Variants in CDKAL1 observed in about 807,000 individuals in gnomAD.
CDKAL1 encodes the protein threonylcarbamoyladenosine tRNA methylthiotransferase.
In CDKAL1, 32 loss-of-function variants were observed where a neutral mutation model predicts 68.2. That is an observed-to-expected ratio of 0.47 (90% CI 0.35 to 0.63). CDKAL1 has a LOEUF of 0.63. Among genes scored for constraint, CDKAL1 ranks in the 30% least tolerant of loss-of-function variants. The pLI is 0.00. For missense variants in CDKAL1, 606 were observed against 696.7 expected, an observed-to-expected ratio of 0.87 and a Z score of 1.47; for synonymous variants, 234 against 244.3, an observed-to-expected ratio of 0.96 and a Z score of 0.39.
In CDKAL1 at chr6:20,558,463, C is replaced by G. The variant is rs1344560511; in HGVS notation, c.286+9758C>G. 3 of 453,236 alleles carry G rather than the reference C, an allele frequency of 6.6e-6. No homozygotes were observed. In the East Asian group the frequency reaches 2.1e-4, roughly 32 times the overall value. 28.1% of individuals were successfully genotyped at this position (453,236 alleles called of 1,614,324 possible). A position where few individuals can be genotyped will look rare whatever the true frequency, so the allele number is the denominator to read the frequency against. ...ATTTCTGGGCACATGGCAGTGCGGTCTGTATGATAAACAACTGGGGTTGAA... is the reference window on the plus strand; with the variant it reads ...ATTTCTGGGCACATGGCAGTGCGGTGTGTATGATAAACAACTGGGGTTGAA... On this transcript the variant is annotated intron_variant, in intron 4 of 15. Coordinates refer to ENST00000274695, the MANE Select transcript of CDKAL1 (RefSeq NM_017774.3).
chr6:20,747,092 T>G (rs1773695616), intron 6 of CDKAL1, among the ~76,000 whole-genome samples: 1 of 150,200 alleles, frequency 6.7e-6, no homozygotes. Context: ...AAATCATGCA[T>G]TTTTTTTTCC....
chr6:20,883,283 G>A (rs1760911341), intron 9 of CDKAL1, among the ~76,000 whole-genome samples: 1 of 152,196 alleles, frequency 6.6e-6, no homozygotes, highest in Admixed American at 6.5e-5. Flanking sequence ...TCTCTCATAC[G>A]TTGTCTTCCC....
intron 12 of CDKAL1, among the ~76,000 whole-genome samples, chr6:21,090,526 G>A (rs1201754807): frequency 6.6e-6 from 1 of 152,106 alleles, no homozygotes; most frequent in Non-Finnish European, 1.5e-5. Flanking sequence ...AATTCCCTTT[G>A]CTGATAGAGA....
chr6:20,997,614 T>C (rs781260930), intron 10 of CDKAL1, among the ~76,000 whole-genome samples: 3 of 152,210 alleles, frequency 2.0e-5, no homozygotes, highest in Non-Finnish European at 4.4e-5. Context: ...ATTGGCATAC[T>C]GTAGCAGGGC....
At chr6:21,229,637 C>T (rs568655423) in intron 15 of CDKAL1, among the ~76,000 whole-genome samples, 2 of 152,246 alleles carry the variant, frequency 1.3e-5, no homozygotes, top group South Asian at 2.1e-4. Context: ...TGTCCTGCAC[C>T]GCCTCTGGGC....
chr6:20,554,975 T>C (rs1415067991), intron 4 of CDKAL1, among the ~76,000 whole-genome samples: 3 of 152,232 alleles, frequency 2.0e-5, no homozygotes, highest in African/African-American at 7.2e-5. Context: ...GAATAGAGTG[T>C]TTAGCCTGGG....
intron 9 of CDKAL1, among the ~76,000 whole-genome samples, chr6:20,851,266 G>A (rs1002857422): frequency 6.6e-6 from 1 of 152,080 alleles, no homozygotes; most frequent in Non-Finnish European, 1.5e-5. Flanking sequence ...GGTTTGACAC[G>A]GTTGCATTTT....
intron 5 of CDKAL1, among the ~76,000 whole-genome samples, chr6:20,718,791 G>A (rs1180466685): frequency 6.6e-6 from 1 of 151,898 alleles, no homozygotes; most frequent in Non-Finnish European, 1.5e-5. Flanking sequence ...GCAGCTTTTG[G>A]GAGAGTGTTC....
At chr6:21,135,146 T>G (rs1219523087) in intron 13 of CDKAL1, among the ~76,000 whole-genome samples, 1 of 152,166 alleles carries the variant, frequency 6.6e-6, no homozygotes, top group Non-Finnish European at 1.5e-5. Context: ...ACTAGCTGAA[T>G]GATCTTAAAA....
At chr6:20,925,037 G>A (rs2328551) in intron 9 of CDKAL1, among the ~76,000 whole-genome samples, 146,010 of 152,316 alleles carry the variant, frequency 0.96, 69,993 homozygotes, top group East Asian at 1. Flanking sequence ...ATCTTTTGTG[G>A]AAGGAAGAAT....
chr6:20,867,401 CAT>C (rs1285019902), intron 9 of CDKAL1, among the ~76,000 whole-genome samples: 4 of 152,152 alleles, frequency 2.6e-5, no homozygotes, highest in Non-Finnish European at 5.9e-5. Flanking sequence ...CATTTTCTAA[CAT>C]GTAAAAAGTG....
intron 10 of CDKAL1, among the ~76,000 whole-genome samples, chr6:20,996,986 G>A (rs1767153448): frequency 6.6e-6 from 1 of 152,186 alleles, no homozygotes; most frequent in Non-Finnish European, 1.5e-5. Flanking sequence ...ATTACTGAAT[G>A]AAAGTTTGTC....
intron 9 of CDKAL1, among the ~76,000 whole-genome samples, chr6:20,949,946 T>A (rs1007024063): frequency 2.0e-5 from 3 of 152,002 alleles, no homozygotes; most frequent in Non-Finnish European, 4.4e-5. Context: ...TGCACCACTG[T>A]GCCTGGCTAA....
chr6:20,786,729 C>T (rs1028332577), intron 8 of CDKAL1, among the ~76,000 whole-genome samples: 5 of 152,024 alleles, frequency 3.3e-5, no homozygotes, highest in African/African-American at 1.2e-4. Flanking sequence ...GATCTCCTGA[C>T]CTCATGATCT....
chr6:20,660,892 C>G (rs1024783384), intron 5 of CDKAL1, among the ~76,000 whole-genome samples: 1 of 151,972 alleles, frequency 6.6e-6, no homozygotes, highest in African/African-American at 2.4e-5. Flanking sequence ...AATATCAGAA[C>G]ACTTGTCTTA....
intron 8 of CDKAL1, among the ~76,000 whole-genome samples, chr6:20,808,233 T>C (rs1776654324): frequency 6.6e-6 from 1 of 152,232 alleles, no homozygotes; most frequent in Non-Finnish European, 1.5e-5. Context: ...GAAAAAATTC[T>C]ATTCTTCTCC....
chr6:20,666,591 T>A (rs1769555273), intron 5 of CDKAL1, among the ~76,000 whole-genome samples: 1 of 152,096 alleles, frequency 6.6e-6, no homozygotes, highest in Admixed American at 6.6e-5. Flanking sequence ...CACATATTAA[T>A]ACATTTTACA....
intron 11 of CDKAL1, among the ~76,000 whole-genome samples, chr6:21,008,646 A>T (rs1395295147): frequency 6.6e-6 from 1 of 152,182 alleles, no homozygotes; most frequent in Non-Finnish European, 1.5e-5. Flanking sequence ...AAAGTTAGAA[A>T]TCTTCATGGT....
At chr6:21,212,895 C>T (rs1010669767) in intron 15 of CDKAL1, among the ~76,000 whole-genome samples, 2 of 152,062 alleles carry the variant, frequency 1.3e-5, no homozygotes, top group Non-Finnish European at 2.9e-5. Flanking sequence ...GTATCTAGGG[C>T]AGTTTTCTGA....
Sources: allele counts gnomAD v4.1 joint callset (sites outside exome capture counted in the v4.1 genomes callset), GRCh38; gene constraint gnomAD v4.1.1; transcripts MANE v1.5; gene names NCBI Gene and HGNC (gene_info 2026-07-23, HGNC 2026-07-21).